TAFA1: variants seen among roughly 807,000 people sequenced by gnomAD.
TAFA1 encodes TAFA chemokine like family member 1.
A neutral mutation model predicts 18.5 loss-of-function variants in TAFA1; 4 were observed. The ratio of observed to expected loss-of-function variants is 0.22; its 90% confidence interval spans 0.11 to 0.49. The LOEUF is 0.49. Ranked by LOEUF, TAFA1 falls within the 20% of genes least tolerant of loss-of-function variation. The pLI is 0.98. For missense variants in TAFA1, 147 were observed against 169.0 expected (o/e 0.87, Z 0.72); for synonymous variants, 56 against 55.2 (o/e 1.01, Z -0.06).
chr3:68,113,876 G>A (rs1295277644), intron 2 of TAFA1, among the ~76,000 whole-genome samples: 1 of 138,978 alleles, frequency 7.2e-6, no homozygotes, highest in Non-Finnish European at 1.5e-5. Flanking sequence ...CAGTGTGACA[G>A]TTTGGGGTGT....
intron 2 of TAFA1, among the ~76,000 whole-genome samples, chr3:68,207,075 C>T (rs2107056814): frequency 6.6e-6 from 1 of 151,998 alleles, no homozygotes; most frequent in Admixed American, 6.6e-5. Flanking sequence ...TTAATAATAT[C>T]AACTTGCCTG....
chr3:68,207,929 T>A (rs2066546468), intron 2 of TAFA1, among the ~76,000 whole-genome samples: 1 of 151,964 alleles, frequency 6.6e-6, no homozygotes, highest in South Asian at 2.1e-4. Flanking sequence ...AGTCTCATTC[T>A]ATAATTTTGG....
chr3:68,075,700 T>C (rs910477896), intron 2 of TAFA1, among the ~76,000 whole-genome samples: 2 of 59,808 alleles, frequency 3.3e-5, no homozygotes, highest in African/African-American at 4.8e-5. Flanking sequence ...TTCTTTCCCT[T>C]TTTTTTTTTT....
At chr3:68,103,607 C>A (rs1442983647) in intron 2 of TAFA1, among the ~76,000 whole-genome samples, 3 of 152,144 alleles carry the variant, frequency 2.0e-5, no homozygotes, top group African/African-American at 7.2e-5. Flanking sequence ...TAATAAGTGT[C>A]TGGAAGAGTA....
At chr3:68,231,623 G>A (rs1188253928) in intron 2 of TAFA1, among the ~76,000 whole-genome samples, 2 of 150,998 alleles carry the variant, frequency 1.3e-5, no homozygotes, top group Admixed American at 1.3e-4. Context: ...GCCTCCCAAA[G>A]CGCTGGGATT....
At chr3:68,102,493 C>A (rs1232303422) in intron 2 of TAFA1, among the ~76,000 whole-genome samples, 3 of 152,052 alleles carry the variant, frequency 2.0e-5, no homozygotes, top group Admixed American at 6.6e-5. Flanking sequence ...GTGAATTAAC[C>A]GTTAAAATGC....
intron 3 of TAFA1, among the ~76,000 whole-genome samples, chr3:68,462,400 C>T (rs996775165): frequency 2.0e-5 from 3 of 152,038 alleles, no homozygotes; most frequent in African/African-American, 7.2e-5. Flanking sequence ...ATGGGAGTTC[C>T]TCTGCACATG....
intron 2 of TAFA1, among the ~76,000 whole-genome samples, chr3:68,241,923 T>C (rs1376709041): frequency 3.3e-5 from 5 of 152,318 alleles, no homozygotes; most frequent in Admixed American, 3.3e-4. Context: ...TCTTGAAGTT[T>C]TGCAAATTAT....
chr3:68,522,261 T>G (rs1357919610), intron 3 of TAFA1, among the ~76,000 whole-genome samples: 1 of 152,176 alleles, frequency 6.6e-6, no homozygotes, highest in African/African-American at 2.4e-5. Context: ...TCTAACTTGG[T>G]GAGATCTGAT....
chr3:68,362,980 C>CTTTTTTTTTT (rs10681792), intron 2 of TAFA1, among the ~76,000 whole-genome samples: 6 of 75,030 alleles, frequency 8.0e-5, no homozygotes, highest in African/African-American at 2.2e-4. Flanking sequence ...GTCTTGCAGG[C>CTTTTTTTTTT]TTTTTTTTTT....
chr3:68,139,508 TG>T (rs2106898864), intron 2 of TAFA1, among the ~76,000 whole-genome samples: 1 of 152,302 alleles, frequency 6.6e-6, no homozygotes, highest in African/African-American at 2.4e-5. Flanking sequence ...AGACAGAGTC[TG>T]TGGCCATTTC....
At chr3:68,131,905 T>G (rs533920364) in intron 2 of TAFA1, among the ~76,000 whole-genome samples, 1 of 152,224 alleles carries the variant, frequency 6.6e-6, no homozygotes, top group Non-Finnish European at 1.5e-5. Flanking sequence ...ATTATTATGC[T>G]TTAAGTTCTG....
chr3:68,276,239 T>G (rs1328247034), intron 2 of TAFA1, among the ~76,000 whole-genome samples: 1 of 151,960 alleles, frequency 6.6e-6, no homozygotes, highest in Non-Finnish European at 1.5e-5. Flanking sequence ...AGAAAAAAAT[T>G]ATCTAAAGCA....
chr3:68,366,640 TTTCAAGACCAGACAGTTCAAATCCAGC>T (rs1410547753), intron 2 of TAFA1, among the ~76,000 whole-genome samples: 2 of 151,850 alleles, frequency 1.3e-5, no homozygotes, highest in African/African-American at 4.8e-5. Flanking sequence ...AAAACAGAGG[TTTCAAGACCAGACAGTTCAAATCCAGC>T]TTTGGACTCG....
chr3:68,425,632 T>C (rs2071038557), intron 3 of TAFA1, among the ~76,000 whole-genome samples: 1 of 151,950 alleles, frequency 6.6e-6, no homozygotes, highest in Non-Finnish European at 1.5e-5. Flanking sequence ...GTACAAGAAC[T>C]GTCAAAGCTT....
chr3:68,343,590 A>G (rs1404294591), intron 2 of TAFA1, among the ~76,000 whole-genome samples: 2 of 152,130 alleles, frequency 1.3e-5, no homozygotes, highest in Non-Finnish European at 2.9e-5. Context: ...TTTGCAGGAT[A>G]TTTTAAAATT....
intron 2 of TAFA1, among the ~76,000 whole-genome samples, chr3:68,330,181 C>T (rs987624988): frequency 6.6e-6 from 1 of 152,170 alleles, no homozygotes; most frequent in African/African-American, 2.4e-5. Flanking sequence ...CAGGTTACGT[C>T]GTCATAGTTC....
At chr3:68,326,168 T>A (rs144407500) in intron 2 of TAFA1, among the ~76,000 whole-genome samples, 62 of 152,330 alleles carry the variant, frequency 4.1e-4, no homozygotes, top group African/African-American at 1.5e-3. Flanking sequence ...TTTCTTATTT[T>A]TACTTGACAA....
chr3:68,225,097 C>T (rs767243535), intron 2 of TAFA1, among the ~76,000 whole-genome samples: 10 of 151,394 alleles, frequency 6.6e-5, no homozygotes, highest in Middle Eastern at 3.4e-3. Flanking sequence ...TTAGTAGAGA[C>T]GGGGATTTCA....
Sources: allele counts gnomAD v4.1 joint callset (sites outside exome capture counted in the v4.1 genomes callset), GRCh38; gene constraint gnomAD v4.1.1; transcripts MANE v1.5; gene names NCBI Gene and HGNC (gene_info 2026-07-23, HGNC 2026-07-21).